NEK1: variants seen among roughly 807,000 people sequenced by gnomAD.
NEK1 encodes serine/threonine-protein kinase Nek1.
In NEK1, 137 loss-of-function variants were observed where a neutral mutation model predicts 182.1. The ratio of observed to expected loss-of-function variants is 0.75; its 90% confidence interval spans 0.65 to 0.87. NEK1 has a LOEUF of 0.87. Ranked by LOEUF, NEK1 falls within the 40% of genes least tolerant of loss-of-function variation. NEK1 has a pLI of 0.00. For missense variants in NEK1, 1,391 were observed against 1,494.4 expected (o/e 0.93, Z 1.14); for synonymous variants, 513 against 492.2 (o/e 1.04, Z -0.56).
chr4:169,406,591 C>T lies in NEK1; in HGVS notation c.3374+5G>A, dbSNP rs1167084363. The T allele has an allele frequency of 1.3e-6, 2 of 1,582,850 alleles. No homozygotes were observed. The highest frequency in any genetic ancestry group is 4.5e-5 in the East Asian group (2 of 44,294). On this transcript the variant is annotated splice_donor_5th_base_variant and intron_variant, in intron 32 of 35. Coordinates refer to ENST00000507142, the MANE Select transcript of NEK1 (RefSeq NM_001199397.3). ...AATGCTGTTTACTAATGACATTATACTTACATGTCTTCAGAATCAGAAGGT... is the reference window on the plus strand; with the variant it reads ...AATGCTGTTTACTAATGACATTATATTTACATGTCTTCAGAATCAGAAGGT...
At chr4:169,443,988 C>T (rs748126613) in intron 27 of NEK1, among the ~76,000 whole-genome samples, 7 of 152,038 alleles carry the variant, frequency 4.6e-5, no homozygotes, top group Non-Finnish European at 8.8e-5. Context: ...AAAGTCTTTC[C>T]CAAAGAAGCA....
chr4:169,426,560 A>C (rs1415193590), intron 29 of NEK1, among the ~76,000 whole-genome samples: 1 of 152,216 alleles, frequency 6.6e-6, no homozygotes, highest in Non-Finnish European at 1.5e-5. Flanking sequence ...TTGACCTGTG[A>C]ATCAGAAACT....
rs1428639027 is a variant in NEK1, at chr4:169,424,559, G to A, written c.3216C>T (p.Asn1072=). The change falls in exon 31 of 36, where the codon AAC becomes AAT. Residue 1072 remains asparagine (N), a synonymous_variant. Transcript: ENST00000507142. The part of the protein sequence containing the change: ...GLSTGLFDAN[N]PKMLRTCSLP... ...ACTTGAGGACCATACTTGCCTTTGG[G>A]TTGTTTGCATCAAACAGACCAGTTG... 3 of 1,591,632 alleles carry A rather than the reference G, an allele frequency of 1.9e-6. No homozygotes were observed. The highest frequency in any genetic ancestry group is 2.6e-6 in the Non-Finnish European group (3 of 1,164,518).
intron 24 of NEK1, 138 bp downstream of exon 24, chr4:169,479,265 C>T: frequency 1.2e-6 from 1 of 821,608 alleles, no homozygotes; most frequent in Non-Finnish European, 1.8e-6. Flanking sequence ...TCTGAGTAAA[C>T]TAAAATCCCT....
intron 19 of NEK1, 69 bp downstream of exon 19, chr4:169,537,740 T>TA: frequency 8.7e-7 from 1 of 1,155,222 alleles, no homozygotes; most frequent in Non-Finnish European, 1.3e-6. Context: ...TACTTACACT[T>TA]ACCTTATTCC....
chr4:169,579,978 A>AT (rs1456863242), intron 11 of NEK1, among the ~76,000 whole-genome samples: 1 of 152,200 alleles, frequency 6.6e-6, no homozygotes. Context: ...ACTTCCATTG[A>AT]TTTTAGAAAT....
intron 12 of NEK1, among the ~76,000 whole-genome samples, chr4:169,573,898 C>T (rs761519700): frequency 1.3e-5 from 2 of 152,196 alleles, no homozygotes; most frequent in African/African-American, 2.4e-5. Context: ...GTGGCTCATG[C>T]CTGTAATCCC....
At chr4:169,499,126 A>C (rs1207129329) in intron 23 of NEK1, among the ~76,000 whole-genome samples, 1 of 150,678 alleles carries the variant, frequency 6.6e-6, no homozygotes, top group Non-Finnish European at 1.5e-5. Context: ...TTTTCTCTAA[A>C]CTCTTCTCGC....
chr4:169,456,768 T>C (rs543509715), intron 27 of NEK1, among the ~76,000 whole-genome samples: 8 of 152,328 alleles, frequency 5.3e-5, no homozygotes, highest in African/African-American at 1.7e-4. Flanking sequence ...TCCATGTTTA[T>C]TGCAGCACTA....
chr4:169,597,534 A>C (rs977071147), intron 5 of NEK1, among the ~76,000 whole-genome samples: 1 of 151,464 alleles, frequency 6.6e-6, no homozygotes, highest in Non-Finnish European at 1.5e-5. Context: ...TACTCCAGAG[A>C]GTGAGGTGGG....
intron 19 of NEK1, among the ~76,000 whole-genome samples, chr4:169,532,836 C>T (rs193022202): frequency 1.3e-5 from 2 of 151,662 alleles, no homozygotes; most frequent in Admixed American, 1.3e-4. Flanking sequence ...CCTGTAGTCC[C>T]AGCTACTTGG....
intron 28 of NEK1, among the ~76,000 whole-genome samples, chr4:169,437,054 C>A (rs898334687): frequency 3.9e-5 from 6 of 152,188 alleles, no homozygotes; most frequent in Non-Finnish European, 5.9e-5. Context: ...CCCTTGAGCA[C>A]ACCAAGCTTT....
At chr4:169,538,003 T>C in intron 18 of NEK1, 92 bp from the exon 19 acceptor site, 1 of 836,758 alleles carries the variant, frequency 1.2e-6, no homozygotes, top group East Asian at 2.5e-5. Flanking sequence ...TTTTTTCATT[T>C]CAGAATATGA....
intron 2 of NEK1, 25 bp from the exon 3 acceptor site, chr4:169,602,703 T>A: frequency 1.3e-6 from 1 of 782,796 alleles, no homozygotes; most frequent in Non-Finnish European, 2.2e-6. Context: ...AAAGCATTTA[T>A]AACATGAGAT....
At chr4:169,531,377 A>G (rs1561358029) in intron 19 of NEK1, among the ~76,000 whole-genome samples, 1 of 151,994 alleles carries the variant, frequency 6.6e-6, no homozygotes, top group Non-Finnish European at 1.5e-5. Context: ...GAGTCTGGCT[A>G]TGAACAGGAG....
In NEK1 at chr4:169,560,947, G is replaced by A. The variant is rs144074602; in HGVS notation, c.1266+533C>T. Among the ~76,000 whole-genome samples the A allele has an allele frequency of 4.6e-5, 7 of 152,126 alleles. No homozygotes were observed. The East Asian group carries it at 7.7e-4, about 17-fold the overall frequency. On this transcript the variant is annotated intron_variant, in intron 16 of 35. Coordinates refer to ENST00000507142, the MANE Select transcript of NEK1 (RefSeq NM_001199397.3). ...GGAGGTGGGACGTGAGGGTGAGGAG[G>A]GATGGAGAGTGCTATTAAGTAAAAG...
In NEK1 at chr4:169,585,545, T is replaced by C. The variant is rs747225801; in HGVS notation, c.611A>G (p.Glu204Gly). ...TACCAGGTTTTTCATACTGCCAGCTTCAAACTAAATTCCAGAAAATAAATA... is the reference window on the plus strand; with the variant it reads ...TACCAGGTTTTTCATACTGCCAGCTCCAAACTAAATTCCAGAAAATAAATA... Reference protein sequence around the residue: ...YELCTLKHAFEAGSMKNLVLK... With the variant: ...YELCTLKHAFGAGSMKNLVLK... Residue 204 changes from glutamate to glycine, a missense_variant, in exon 10 of 36, where the codon GAA becomes GGA. Glu to Gly is a moderately conservative substitution (Grantham distance 98, BLOSUM62 -2). Coordinates refer to ENST00000507142, the MANE Select transcript of NEK1 (RefSeq NM_001199397.3). 13 of 1,603,304 alleles carry C rather than the reference T, an allele frequency of 8.1e-6. No individual in the cohort carries two copies. Among genetic ancestry groups the C allele is most frequent in the Non-Finnish European group, 1.0e-5 (12 of 1,173,310 alleles).
intron 24 of NEK1, among the ~76,000 whole-genome samples, chr4:169,478,128 A>G (rs543780999): frequency 6.6e-6 from 1 of 152,182 alleles, no homozygotes; most frequent in Admixed American, 6.6e-5. Context: ...AAACATACGA[A>G]AAGAAGAAAT....
In NEK1 at chr4:169,535,380, T is replaced by C. The variant is rs555421666; in HGVS notation, c.1665+2429A>G. Among the ~76,000 whole-genome samples, 487 of 151,018 alleles carry C rather than the reference T, an allele frequency of 3.2e-3. 5 individuals are homozygous for C. Among genetic ancestry groups the C allele is most frequent in the Middle Eastern group, 0.01 (3 of 288 alleles). On this transcript the variant is annotated intron_variant, in intron 19 of 35. Transcript: ENST00000507142. ...AGATGGAAAACATATAATGTCTGTA[T>C]AGAATTAACAGACACAGCAGAAGAT...
Sources: allele counts gnomAD v4.1 joint callset (sites outside exome capture counted in the v4.1 genomes callset), GRCh38; gene constraint gnomAD v4.1.1; transcripts MANE v1.5; gene names NCBI Gene and HGNC (gene_info 2026-07-23, HGNC 2026-07-21).